Variants in GRID2 observed in about 807,000 individuals in gnomAD.
The protein encoded by GRID2 is glutamate ionotropic receptor delta type subunit 2.
Under a neutral mutation model 114.8 loss-of-function variants are expected in GRID2, and 33 were observed. The ratio of observed to expected loss-of-function variants is 0.29; its 90% CI spans 0.22 to 0.38. The LOEUF is 0.38. Among genes scored for constraint, GRID2 ranks in the 10% least tolerant of loss-of-function variants. GRID2 has a pLI of 1.00. For synonymous variants in GRID2, 505 were observed against 449.9 expected, an observed-to-expected ratio of 1.12 and a Z score of -1.55; for missense variants, 1,184 against 1,257.7, an observed-to-expected ratio of 0.94 and a Z score of 0.89.
chr4:93,770,414 C>A (rs1734013483), intron 15 of GRID2, among the ~76,000 whole-genome samples: 1 of 152,212 alleles, frequency 6.6e-6, no homozygotes, highest in Admixed American at 6.5e-5. Flanking sequence ...ATAAATACGG[C>A]TTCTCATTTG....
At chr4:93,611,807 G>C (rs1740951844) in intron 13 of GRID2, among the ~76,000 whole-genome samples, 1 of 151,244 alleles carries the variant, frequency 6.6e-6, no homozygotes, top group Non-Finnish European at 1.5e-5. Context: ...TTGGGGTGGA[G>C]AGTTCTGTAG....
chr4:92,400,398 G>T (rs1405766643), intron 1 of GRID2, among the ~76,000 whole-genome samples: 2 of 152,096 alleles, frequency 1.3e-5, no homozygotes, highest in Admixed American at 1.3e-4. Context: ...TTAGTAAAAT[G>T]TTTTCAAGGT....
intron 1 of GRID2, among the ~76,000 whole-genome samples, chr4:92,318,711 T>G (rs749029667): frequency 6.6e-6 from 1 of 151,716 alleles, no homozygotes; most frequent in African/African-American, 2.4e-5. Flanking sequence ...TGAGCTCAAA[T>G]GATCTGCCCA....
intron 2 of GRID2, among the ~76,000 whole-genome samples, chr4:93,010,689 G>T (rs1197914181): frequency 6.6e-6 from 1 of 152,074 alleles, no homozygotes; most frequent in Non-Finnish European, 1.5e-5. Context: ...TAATTGATCT[G>T]TTTGCCTGAA....
intron 2 of GRID2, among the ~76,000 whole-genome samples, chr4:92,768,584 C>T (rs1474459348): frequency 6.6e-6 from 1 of 152,144 alleles, no homozygotes; most frequent in Non-Finnish European, 1.5e-5. Flanking sequence ...AAAGACATAT[C>T]AGAGACTGGG....
chr4:93,409,736 A>G (rs1766920866), intron 9 of GRID2, among the ~76,000 whole-genome samples: 1 of 152,210 alleles, frequency 6.6e-6, no homozygotes, highest in South Asian at 2.1e-4. Flanking sequence ...GGCAGTCTAA[A>G]TTAATGGTTA....
intron 4 of GRID2, among the ~76,000 whole-genome samples, chr4:93,197,360 C>T (rs1008994685): frequency 6.6e-6 from 1 of 152,044 alleles, no homozygotes; most frequent in African/African-American, 2.4e-5. Context: ...ACTTTTTGTT[C>T]CTCAGTTTCT....
intron 11 of GRID2, among the ~76,000 whole-genome samples, chr4:93,463,899 G>C (rs1040303820): frequency 2.0e-5 from 3 of 152,100 alleles, no homozygotes; most frequent in African/African-American, 7.2e-5. Flanking sequence ...TGAGGCAGGA[G>C]AATGGCGTGA....
At chr4:93,527,692 T>A (rs1731047444) in intron 13 of GRID2, among the ~76,000 whole-genome samples, 1 of 152,150 alleles carries the variant, frequency 6.6e-6, no homozygotes, top group African/African-American at 2.4e-5. Flanking sequence ...ATTTTATTTA[T>A]TTTTTAAAAT....
At chr4:92,873,155 A>G (rs759163928) in intron 2 of GRID2, among the ~76,000 whole-genome samples, 2 of 152,178 alleles carry the variant, frequency 1.3e-5, no homozygotes, top group African/African-American at 4.8e-5. Flanking sequence ...TTTGGATCAT[A>G]TATCATGAAA....
At chr4:93,632,057 G>A (rs1720949395) in intron 14 of GRID2, among the ~76,000 whole-genome samples, 1 of 152,122 alleles carries the variant, frequency 6.6e-6, no homozygotes. Context: ...ACTTTTTGAT[G>A]AGGTTGTTTG....
intron 2 of GRID2, among the ~76,000 whole-genome samples, chr4:92,814,937 A>G (rs964870243): frequency 6.6e-6 from 1 of 152,144 alleles, no homozygotes; most frequent in Admixed American, 6.6e-5. Context: ...GTACTGACAG[A>G]GCTCAAAATG....
chr4:93,577,577 A>G (rs1267351540), intron 13 of GRID2, among the ~76,000 whole-genome samples: 5 of 152,218 alleles, frequency 3.3e-5, no homozygotes, highest in Non-Finnish European at 7.3e-5. Flanking sequence ...AAAAGATTAC[A>G]TATTTTGGTG....
chr4:93,592,005 C>T (rs1472089693), intron 13 of GRID2, among the ~76,000 whole-genome samples: 1 of 152,110 alleles, frequency 6.6e-6, no homozygotes, highest in Middle Eastern at 3.4e-3. Flanking sequence ...TTCAAAAAAC[C>T]AGCTCCTGGA....
intron 1 of GRID2, among the ~76,000 whole-genome samples, chr4:92,384,583 T>TGTTA (rs369279524): frequency 7.5e-5 from 3 of 40,082 alleles, no homozygotes; most frequent in South Asian, 7.0e-4. Flanking sequence ...ATAAAATATA[T>TGTTA]TATATTATAT....
chr4:93,561,736 C>T (rs1486969531), intron 13 of GRID2, among the ~76,000 whole-genome samples: 2 of 152,092 alleles, frequency 1.3e-5, no homozygotes, highest in Admixed American at 6.6e-5. Context: ...TTACTGCTTC[C>T]ATACTTTTGT....
chr4:92,713,476 CATATATATATAT>C lies in GRID2; in HGVS notation c.244+123221_244+123232del, dbSNP rs10593127. On this transcript the variant is annotated intron_variant, in intron 2 of 15. Coordinates refer to ENST00000282020, the MANE Select transcript of GRID2 (RefSeq NM_001510.4). ...TTACATATATTTACATATACATATA[CATATATATATAT>C]ATATATATATATATATATATATATA... 5.3e-3 allele frequency among the ~76,000 whole-genome samples: 286 copies of C among 54,066 alleles called. 1 individual carries two copies. Among genetic ancestry groups the C allele is most frequent in the African/African-American group, 0.014 (201 of 14,174 alleles). The allele number at this position is 54,066 out of a possible 152,430, so 35.5% of individuals were successfully genotyped here. A position where few individuals can be genotyped will look rare whatever the true frequency, so the allele number is the denominator to read the frequency against.
At chr4:92,671,033 T>G (rs1283286554) in intron 2 of GRID2, among the ~76,000 whole-genome samples, 1 of 152,124 alleles carries the variant, frequency 6.6e-6, no homozygotes, top group Admixed American at 6.6e-5. Context: ...GTTCTCACAT[T>G]GCTATAAAGA....
chr4:93,396,223 T>TC (rs1765320253), intron 9 of GRID2, among the ~76,000 whole-genome samples: 1 of 152,026 alleles, frequency 6.6e-6, no homozygotes, highest in Non-Finnish European at 1.5e-5. Flanking sequence ...TATTCCAGGC[T>TC]CAGTGCTGAT....
Sources: allele counts gnomAD v4.1 joint callset (sites outside exome capture counted in the v4.1 genomes callset), GRCh38; gene constraint gnomAD v4.1.1; transcripts MANE v1.5; gene names NCBI Gene and HGNC (gene_info 2026-07-23, HGNC 2026-07-21).